The following FGD4 variants were observed in gnomAD, a reference collection of about 807,000 sequenced individuals.
FGD4 encodes the protein FYVE, RhoGEF and PH domain-containing protein 4.
A neutral mutation model predicts 102.0 loss-of-function variants in FGD4; 42 were observed. The observed-to-expected ratio is 0.41, with a 90% CI of 0.32 to 0.53. FGD4 has a LOEUF of 0.53. Among genes scored for constraint, FGD4 ranks in the 20% least tolerant of loss-of-function variants. The probability of loss-of-function intolerance (pLI) is 0.21; values close to 1 mark genes in which losing one functional copy is unlikely to be tolerated. For missense variants in FGD4, 902 were observed against 1,078.2 expected, an observed-to-expected ratio of 0.84 and a Z score of 2.29; for synonymous variants, 380 against 375.7, an observed-to-expected ratio of 1.01 and a Z score of -0.13.
At chr12:32,606,546 A>C (rs1948794228) in intron 7 of FGD4, among the ~76,000 whole-genome samples, 1 of 148,896 alleles carries the variant, frequency 6.7e-6, no homozygotes, top group Non-Finnish European at 1.5e-5. Context: ...CTGTTCTCTC[A>C]GGTTTCTCCT....
At chr12:32,498,196 GC>G (rs1937939712) in intron 1 of FGD4, among the ~76,000 whole-genome samples, 1 of 152,194 alleles carries the variant, frequency 6.6e-6, no homozygotes, top group Admixed American at 6.5e-5. Context: ...GGGTATCACT[GC>G]CAACTCACAG....
chr12:32,522,555 G>C (rs1015797918), intron 1 of FGD4, among the ~76,000 whole-genome samples: 4 of 152,186 alleles, frequency 2.6e-5, no homozygotes, highest in Admixed American at 6.5e-5. Context: ...TATCCTTTGT[G>C]TGACCTGGCA....
In FGD4 at chr12:32,449,143, T is replaced by A. The variant is rs944608534; in HGVS notation, c.166+49184T>A. Among the ~76,000 whole-genome samples, 7 of 152,322 alleles carry A rather than the reference T, an allele frequency of 4.6e-5. No homozygotes were observed. The South Asian group carries it at 6.2e-4, about 14-fold the overall frequency. On this transcript the variant is annotated intron_variant, in intron 1 of 16. Transcript: ENST00000534526. The stretch of plus-strand genomic sequence containing the variant: ...CAGAAATTTTTTTTTCCTAATTGAT[T>A]TAATAGTAAGTTACCCACTGCCCCA...
At position 32,519,679 on chromosome 12, in the gene FGD4, T is replaced by G. The variant is rs1211429093; in HGVS notation, c.167-44458T>G. ...AAAGCTGGGCACGGTGGCTCACTCT[T>G]GTAATCCGAGCACTTTGGGAGGCCA... On this transcript the variant is annotated intron_variant, in intron 1 of 16. Coordinates refer to ENST00000534526, the MANE Select transcript of FGD4 (RefSeq NM_001370298.3). 1.3e-5 allele frequency among the ~76,000 whole-genome samples: 2 copies of G among 152,032 alleles called. 1 individual carries two copies. The highest frequency in any genetic ancestry group is 4.1e-4 in the South Asian group (2 of 4,824).
rs779572971 is a variant in FGD4 at position 32,619,762 on chromosome 12, G to A, written c.1814G>A (p.Arg605Gln). The A allele has an allele frequency of 3.7e-6, 6 of 1,613,944 alleles. No individual in the cohort carries two copies. Among genetic ancestry groups the A allele is most frequent in the Non-Finnish European group, 4.2e-6 (5 of 1,180,034 alleles). Reference protein sequence around the residue: ...FSLVGSKFTVRTRVGIDGMKI... With the variant: ...FSLVGSKFTVQTRVGIDGMKI... ...TTGGTAGGCTCTAAATTCACAGTTCGAACCAGGGTTGGCATTGATGGAATG... is the reference window on the plus strand; with the variant it reads ...TTGGTAGGCTCTAAATTCACAGTTCAAACCAGGGTTGGCATTGATGGAATG... The change falls in exon 11 of 17, where the codon CGA becomes CAA. Residue 605 changes from arginine to glutamine, a missense_variant. Transcript: ENST00000534526.
intron 1 of FGD4, among the ~76,000 whole-genome samples, chr12:32,503,244 A>G (rs1357376473): frequency 6.6e-6 from 1 of 152,210 alleles, no homozygotes; most frequent in Non-Finnish European, 1.5e-5. Flanking sequence ...CCATAGGGCC[A>G]GTGCTCTGTG....
rs2136558664 is a variant in FGD4 at position 32,485,947 on chromosome 12, G to GAAA, written c.167-78189_167-78187dup. 5 of 1,276,234 alleles carry GAAA rather than the reference G, an allele frequency of 3.9e-6. No individual in the cohort carries two copies. In the South Asian group the frequency reaches 8.1e-5, roughly 21 times the overall value. 79.1% of individuals were successfully genotyped at this position (1,276,234 alleles called of 1,614,324 possible). ...GCATCACTGCCAGAAGAAGACTTAT[G>GAAA]AAACAGAACTCTGTACTTCCCATTA... On this transcript the variant is annotated intron_variant, in intron 1 of 16. Coordinates refer to ENST00000534526, the MANE Select transcript of FGD4 (RefSeq NM_001370298.3).
intron 1 of FGD4, among the ~76,000 whole-genome samples, chr12:32,518,579 T>C (rs1940150506): frequency 1.3e-5 from 2 of 152,288 alleles, no homozygotes; most frequent in Middle Eastern, 3.4e-3. Flanking sequence ...ATCTATATGG[T>C]ATATGTATGG....
At chr12:32,482,919 T>C (rs1943803497) in intron 1 of FGD4, among the ~76,000 whole-genome samples, 1 of 152,230 alleles carries the variant, frequency 6.6e-6, no homozygotes, top group Non-Finnish European at 1.5e-5. Context: ...TTATAGATGA[T>C]GTATAGATGT....
intron 1 of FGD4, chr12:32,534,336 T>A: frequency 1.4e-6 from 2 of 1,424,408 alleles, no homozygotes; most frequent in Middle Eastern, 1.9e-4. Context: ...TGCATTGGTC[T>A]GAGCTCCTGG....
chr12:32,638,674 C>G lies in FGD4; in HGVS notation c.2333C>G (p.Ser778Cys). 6.2e-7 allele frequency: 1 copy of G among 1,614,164 alleles called. No individual in the cohort carries two copies. Among genetic ancestry groups the G allele is most frequent in the Non-Finnish European group, 8.5e-7 (1 of 1,180,038 alleles). The change falls in exon 16 of 17, where the codon TCT becomes TGT. Residue 778 changes from serine (S) to cysteine (C), a missense_variant. Transcript: ENST00000534526. ...GILEIESAEV[S>C]GNSVVCSFLQ... ...TTCTAGATTGAATCAGCAGAAGTATCTGGAAACAGTGTGGTGTGCAGCTTT... is the reference window on the plus strand; with the variant it reads ...TTCTAGATTGAATCAGCAGAAGTATGTGGAAACAGTGTGGTGTGCAGCTTT...
Position 32,525,959 on chromosome 12 carries a change from A to C in FGD4, c.167-38178A>C, listed in dbSNP as rs900133369. ...CCCGCCATGCCTGAGCCTCCCACCC[A>C]CTCCATGGGCTCCTGTGCGGCCCGA... is the stretch of plus-strand genomic sequence containing the variant. On this transcript the variant is annotated intron_variant, in intron 1 of 16. Transcript: ENST00000534526. Among the ~76,000 whole-genome samples, 24 of 151,972 alleles carry C rather than the reference A, an allele frequency of 1.6e-4. 1 individual carries two copies. The highest frequency in any genetic ancestry group is 1.9e-4 in the East Asian group (1 of 5,146).
At chr12:32,536,048 A>T (rs1222003429) in intron 1 of FGD4, among the ~76,000 whole-genome samples, 1 of 152,080 alleles carries the variant, frequency 6.6e-6, no homozygotes, top group African/African-American at 2.4e-5. Flanking sequence ...AAAATTGTAA[A>T]TATGCATATT....
At chr12:32,626,507 A>C (rs1950183922) in intron 14 of FGD4, among the ~76,000 whole-genome samples, 1 of 152,140 alleles carries the variant, frequency 6.6e-6, no homozygotes, top group African/African-American at 2.4e-5. Context: ...GACAGGGAAA[A>C]ACTTCAGACA....
intron 1 of FGD4, among the ~76,000 whole-genome samples, chr12:32,547,613 T>C (rs1943328626): frequency 6.6e-6 from 1 of 152,220 alleles, no homozygotes; most frequent in South Asian, 2.1e-4. Context: ...AAACACTCAA[T>C]ATTATTAGAT....
chr12:32,490,705 C>T (rs1198888636), intron 1 of FGD4, among the ~76,000 whole-genome samples: 1 of 152,028 alleles, frequency 6.6e-6, no homozygotes, highest in Non-Finnish European at 1.5e-5. Flanking sequence ...ACTTATTAGT[C>T]TTTTTTAATG....
chr12:32,633,517 T>C lies in FGD4; in HGVS notation c.2173-32T>C, dbSNP rs1256337232. ...CTGCTTAAATCATATCCTTTAAATATGATTACTGTTCATTTTTCTTTTAAA... is the reference window on the plus strand; with the variant it reads ...CTGCTTAAATCATATCCTTTAAATACGATTACTGTTCATTTTTCTTTTAAA... On this transcript the variant is annotated intron_variant, in intron 14 of 16. Coordinates refer to ENST00000534526, the MANE Select transcript of FGD4 (RefSeq NM_001370298.3). The C allele has an allele frequency of 3.1e-6, 5 of 1,597,930 alleles. No homozygotes were observed. In the East Asian group the frequency reaches 9.0e-5, roughly 29 times the overall value.
At chr12:32,419,432 G>A (rs1001418218) in intron 1 of FGD4, among the ~76,000 whole-genome samples, 1 of 152,154 alleles carries the variant, frequency 6.6e-6, no homozygotes, top group Non-Finnish European at 1.5e-5. Context: ...CTCTGTGACA[G>A]GGCAGCACTG....
chr12:32,480,165 G>GTTT (rs566121849), intron 1 of FGD4, among the ~76,000 whole-genome samples: 1 of 61,486 alleles, frequency 1.6e-5, no homozygotes. Flanking sequence ...GGTTTTTTTT[G>GTTT]TTTTTTTTGT....
Sources: gnomAD v4.1 joint callset for allele counts (sites outside exome capture counted in the v4.1 genomes callset) on GRCh38, gnomAD v4.1.1 for gene constraint, MANE v1.5 for transcripts, NCBI Gene and HGNC (gene_info 2026-07-23, HGNC 2026-07-21) for gene names.